CAPZB: variants seen among roughly 807,000 people sequenced by gnomAD.
CAPZB encodes the protein F-actin-capping protein subunit beta.
Under a neutral mutation model 38.1 loss-of-function variants are expected in CAPZB, and 2 were observed. The observed-to-expected ratio is 0.05, with a 90% CI of 0.02 to 0.17. The LOEUF (loss-of-function observed/expected upper bound fraction) is 0.17. CAPZB is among the 10% of genes least tolerant of loss of function. CAPZB has a pLI of 1.00. For synonymous variants in CAPZB, 107 were observed against 127.4 expected (o/e 0.84, Z 1.08); for missense variants, 161 against 334.2 (o/e 0.48, Z 4.04).
chr1:19,348,453 C>T (rs889053809), intron 6 of CAPZB, among the ~76,000 whole-genome samples: 1 of 152,054 alleles, frequency 6.6e-6, no homozygotes, highest in African/African-American at 2.4e-5. Context: ...AACACCCTGA[C>T]ACCAAGAAAT....
intron 1 of CAPZB, chr1:19,484,215 G>A (rs2094641865): frequency 6.2e-7 from 1 of 1,612,460 alleles, no homozygotes. Context: ...TCCATAATCA[G>A]CAGTTCCAAC....
Position 19,479,585 on chromosome 1 carries a change from C to T in CAPZB, c.3+5851G>A, listed in dbSNP as rs1171303885. ...GGTAAATCATTCCGTGTCACTCTGC[C>T]TTTATCTCCTTCCACCATCCCTTCC... On this transcript the variant is annotated intron_variant, in intron 1 of 8. Coordinates refer to ENST00000264202, the MANE Select transcript of CAPZB (RefSeq NM_004930.5). Among the ~76,000 whole-genome samples, 3 of 152,170 alleles carry T rather than the reference C, an allele frequency of 2.0e-5. No homozygotes were observed. In the East Asian group the frequency reaches 5.8e-4, roughly 29 times the overall value.
rs2094020416 is a variant in CAPZB at position 19,356,296 on chromosome 1, C to A, written c.588+339G>T. Among the ~76,000 whole-genome samples, 1 of 149,582 alleles carries A rather than the reference C, an allele frequency of 6.7e-6. No individual in the cohort carries two copies. The highest frequency in any genetic ancestry group is 1.5e-5 in the Non-Finnish European group (1 of 67,398). On this transcript the variant is annotated intron_variant, in intron 6 of 8. Coordinates refer to ENST00000264202, the MANE Select transcript of CAPZB (RefSeq NM_004930.5). This position sits in a 1 kb window ranked among gnomAD's most constrained non-coding sequence, Gnocchi z 4.3. The stretch of plus-strand genomic sequence containing the variant: ...GAGCTGGCCTGACTGATGGGCTGGG[C>A]ATGGCCACAGAGACGGCAAACAGGG...
chr1:19,383,117 A>T (rs1254767726), intron 3 of CAPZB, among the ~76,000 whole-genome samples: 213 of 5,154 alleles, frequency 0.041, 1 homozygote, highest in African/African-American at 0.11. Context: ...CCATCTCTAC[A>T]AAAAAAAAAA....
chr1:19,418,009 G>A (rs370890161), intron 2 of CAPZB, among the ~76,000 whole-genome samples: 6 of 151,612 alleles, frequency 4.0e-5, no homozygotes, highest in Non-Finnish European at 7.4e-5. Context: ...GGTCGTGGGC[G>A]CCTGTAATCC....
intron 1 of CAPZB, chr1:19,484,270 T>C: frequency 1.2e-6 from 2 of 1,612,020 alleles, no homozygotes; most frequent in Admixed American, 3.3e-5. Flanking sequence ...CTGCGCCTGC[T>C]TGGGTGCATC....
chr1:19,351,796 T>C (rs2093993004), intron 6 of CAPZB, among the ~76,000 whole-genome samples: 1 of 152,080 alleles, frequency 6.6e-6, no homozygotes, highest in African/African-American at 2.4e-5. Context: ...AATCCAGGGC[T>C]CAGAAAACCT....
At position 19,378,520 on chromosome 1, in the gene CAPZB, A is replaced by G. The variant is rs376555617; in HGVS notation, c.329+20T>C. ...TCAAAACTCACAAGCGCTAAAGTGCAACAGGAGAAAATGACTCACAGGTCT... is the reference window on the plus strand; with the variant it reads ...TCAAAACTCACAAGCGCTAAAGTGCGACAGGAGAAAATGACTCACAGGTCT... On this transcript the variant is annotated intron_variant, in intron 4 of 8. Transcript: ENST00000264202. 2.9e-6 allele frequency: 4 copies of G among 1,377,694 alleles called. No homozygotes were observed. In the African/African-American group the frequency reaches 4.3e-5, roughly 15 times the overall value. The allele number at this position is 1,377,694 out of a possible 1,614,324, so 85.3% of individuals were successfully genotyped here.
intron 2 of CAPZB, among the ~76,000 whole-genome samples, chr1:19,400,934 T>C (rs1464071912): frequency 6.6e-6 from 1 of 152,170 alleles, no homozygotes; most frequent in Non-Finnish European, 1.5e-5. Context: ...GCTAACATAC[T>C]TCTCTCACCT....
intron 1 of CAPZB, among the ~76,000 whole-genome samples, chr1:19,468,124 T>C (rs1570355044): frequency 6.6e-6 from 1 of 152,208 alleles, no homozygotes; most frequent in South Asian, 2.1e-4. Context: ...GGCTAGGCAC[T>C]GACAATATGA....
chr1:19,389,419 T>C (rs748147392), intron 2 of CAPZB, among the ~76,000 whole-genome samples: 3 of 138,860 alleles, frequency 2.2e-5, no homozygotes, highest in Non-Finnish European at 3.2e-5. Flanking sequence ...AAAGGTTACA[T>C]GGGTCGTGTG....
intron 7 of CAPZB, 25 bp downstream of exon 7, chr1:19,345,162 G>A: frequency 6.2e-7 from 1 of 1,602,558 alleles, no homozygotes; most frequent in Admixed American, 1.7e-5. Context: ...CACTGCAGGA[G>A]CCAGCCAGAG....
intron 1 of CAPZB, among the ~76,000 whole-genome samples, chr1:19,441,147 A>G (rs1242379119): frequency 6.6e-6 from 1 of 152,230 alleles, no homozygotes; most frequent in East Asian, 1.9e-4. Flanking sequence ...AATATACATC[A>G]TATAAACGTA....
At chr1:19,436,905 T>C (rs1427403538) in intron 1 of CAPZB, among the ~76,000 whole-genome samples, 1 of 152,260 alleles carries the variant, frequency 6.6e-6, no homozygotes, top group Non-Finnish European at 1.5e-5. Context: ...TGCTGGACTC[T>C]GTGTACCCGC....
intron 4 of CAPZB, among the ~76,000 whole-genome samples, chr1:19,362,438 T>C (rs1017972888): frequency 2.0e-5 from 3 of 152,138 alleles, no homozygotes; most frequent in Non-Finnish European, 4.4e-5. Context: ...GGTCTCACCA[T>C]GTTGCCCAGG....
intron 1 of CAPZB, among the ~76,000 whole-genome samples, chr1:19,438,208 G>C (rs1347793307): frequency 6.6e-6 from 1 of 152,164 alleles, no homozygotes; most frequent in Admixed American, 6.5e-5. Context: ...TTAAGAAGAG[G>C]CTGGAAAACT....
At position 19,387,285 on chromosome 1, in the gene CAPZB, C is replaced by T. The variant is rs116526538; in HGVS notation, c.94-1659G>A. On this transcript the variant is annotated intron_variant, in intron 2 of 8. Transcript: ENST00000264202. ...TCCTACTCTAACTTTGGTTTAATGT[C>T]CAGCTAAGGGGAAGGACAGTGCATG... Among the ~76,000 whole-genome samples, 812 of 152,318 alleles carry T rather than the reference C, an allele frequency of 5.3e-3. 9 individuals are homozygous for T. Among genetic ancestry groups the T allele is most frequent in the African/African-American group, 0.018 (768 of 41,574 alleles).
At chr1:19,423,620 G>A (rs928447533) in intron 1 of CAPZB, among the ~76,000 whole-genome samples, 4 of 150,570 alleles carry the variant, frequency 2.7e-5, no homozygotes, top group African/African-American at 9.8e-5. Flanking sequence ...TGTCTCCTGG[G>A]CTCAAGCTAT....
intron 1 of CAPZB, among the ~76,000 whole-genome samples, chr1:19,440,191 C>T (rs1484822524): frequency 6.6e-6 from 1 of 152,106 alleles, no homozygotes; most frequent in African/African-American, 2.4e-5. Flanking sequence ...TTGCATACCA[C>T]CATGTCTGGT....
Sources: allele counts gnomAD v4.1 joint callset (sites outside exome capture counted in the v4.1 genomes callset), GRCh38; gene constraint gnomAD v4.1.1; non-coding constraint Gnocchi (gnomAD v3.1); transcripts MANE v1.5; gene names NCBI Gene and HGNC (gene_info 2026-07-23, HGNC 2026-07-21).